CDC25C: variants seen among roughly 807,000 people sequenced by gnomAD.
CDC25C encodes the protein cell division cycle 25C, also known as M-phase inducer phosphatase 3.
CDC25C carries 48 observed loss-of-function variants against 52.5 expected under a neutral mutation model. The observed-to-expected ratio is 0.91, with a 90% CI of 0.72 to 1.16. The LOEUF (loss-of-function observed/expected upper bound fraction) is 1.16. Among genes scored for constraint, CDC25C ranks in the 50% most tolerant of loss-of-function variants. CDC25C has a pLI of 0.00. For missense variants in CDC25C, 510 were observed against 566.1 expected (o/e 0.90, Z 1.01); for synonymous variants, 187 against 206.5 (o/e 0.91, Z 0.81).
chr5:138,319,216 T>C lies in CDC25C; in HGVS notation c.615+3A>G, dbSNP rs1240363322. 4 of 1,610,430 alleles carry C rather than the reference T, an allele frequency of 2.5e-6. No individual in the cohort carries two copies. The highest frequency in any genetic ancestry group is 2.5e-6 in the Non-Finnish European group (3 of 1,177,448). On this transcript the variant is annotated splice_donor_region_variant and intron_variant, in intron 7 of 13. Transcript: ENST00000323760. Reference sequence around the variant, plus strand: ...ACAAAGATACTACCACAGAACACTTTACCTTTGCTTCTTGATCTTTCAGGG... The same window carrying C: ...ACAAAGATACTACCACAGAACACTTCACCTTTGCTTCTTGATCTTTCAGGG...
chr5:138,328,423 A>C, intron 4 of CDC25C, 61 bp downstream of exon 4: 1 of 1,486,474 alleles, frequency 6.7e-7, no homozygotes, highest in Non-Finnish European at 9.4e-7. Context: ...GCACAGGATA[A>C]AATCTCTATG....
At chr5:138,287,392 C>A in intron 10 of CDC25C, 125 bp from the exon 11 acceptor site, 1 of 604,638 alleles carries the variant, frequency 1.7e-6, no homozygotes, top group Non-Finnish European at 3.0e-6. Flanking sequence ...CCAAAGTCAC[C>A]CCATATTTGA....
chr5:138,321,762 A>AC (rs1759419209), intron 6 of CDC25C, among the ~76,000 whole-genome samples: 1 of 139,930 alleles, frequency 7.1e-6, no homozygotes, highest in Non-Finnish European at 1.6e-5. Context: ...AAAAAAAAAA[A>AC]AAAAAAAAAA....
chr5:138,319,343 T>G lies in CDC25C; in HGVS notation c.491A>C (p.Lys164Thr). The G allele has an allele frequency of 6.2e-7, 1 of 1,613,416 alleles. No individual in the cohort carries two copies. The highest frequency in any genetic ancestry group is 8.5e-7 in the Non-Finnish European group (1 of 1,179,602). Residue 164 changes from lysine to threonine, a missense_variant, in exon 7 of 14, where the codon AAA (lysine) becomes ACA (threonine). Physicochemically the swap from Lys to Thr is moderately conservative, Grantham distance 78 (BLOSUM62 -1). Transcript: ENST00000323760. ...DNGNLVDSEM[K>T]YLGSPITTVP... ...AGTAGTAATGGGACTGCCCAAATAT[T>G]TCATTTCACTGTCCACCAAGTTTCC...
chr5:138,337,816 C>T (rs1399869858), intron 1 of CDC25C: 9 of 473,172 alleles, frequency 1.9e-5, no homozygotes, highest in South Asian at 1.5e-4. Context: ...GGGATTCCTT[C>T]GAAGAGGTGG....
At chr5:138,313,802 T>C (rs1215848285) in intron 7 of CDC25C, among the ~76,000 whole-genome samples, 1 of 152,130 alleles carries the variant, frequency 6.6e-6, no homozygotes, top group African/African-American at 2.4e-5. Flanking sequence ...TATTTCCATC[T>C]AAATTTCCTC....
chr5:138,307,412 A>AG (rs1758087979), intron 7 of CDC25C, among the ~76,000 whole-genome samples: 1 of 142,012 alleles, frequency 7.0e-6, no homozygotes, highest in African/African-American at 2.6e-5. Flanking sequence ...GAATCGCCTG[A>AG]GCCCAGGAGG....
intron 7 of CDC25C, among the ~76,000 whole-genome samples, chr5:138,304,754 T>C (rs1757880127): frequency 6.6e-6 from 1 of 152,154 alleles, no homozygotes; most frequent in Non-Finnish European, 1.5e-5. Context: ...GCAACTCTCC[T>C]GCCTCAGCCT....
At chr5:138,309,359 C>T (rs1758268006) in intron 7 of CDC25C, among the ~76,000 whole-genome samples, 1 of 152,110 alleles carries the variant, frequency 6.6e-6, no homozygotes, top group South Asian at 2.1e-4. Flanking sequence ...AGTTCAAGAC[C>T]AGCCTGGCCA....
chr5:138,301,261 G>A (rs1175186324), intron 7 of CDC25C, among the ~76,000 whole-genome samples: 1 of 152,128 alleles, frequency 6.6e-6, no homozygotes, highest in Admixed American at 6.6e-5. Context: ...TCAGGAATGA[G>A]AGACATCACT....
chr5:138,324,640 C>T (rs1444569341), intron 6 of CDC25C, among the ~76,000 whole-genome samples: 1 of 151,862 alleles, frequency 6.6e-6, no homozygotes, highest in African/African-American at 2.4e-5. Context: ...CACCTGTAAT[C>T]CCAGCTACGT....
exon 1 of CDC25C, chr5:138,338,302 A>G (rs903821240): frequency 1.3e-5 from 8 of 617,572 alleles, no homozygotes; most frequent in East Asian, 1.4e-4. Context: ...AGCTGGAGGA[A>G]CCGCGGTAGG....
intron 6 of CDC25C, among the ~76,000 whole-genome samples, chr5:138,324,619 G>T (rs1332572735): frequency 6.6e-6 from 1 of 151,960 alleles, no homozygotes; most frequent in Non-Finnish European, 1.5e-5. Flanking sequence ...TTAGCTGGGT[G>T]TGGTGGCACG....
At chr5:138,292,159 T>A (rs764662095) in intron 7 of CDC25C, 43 bp from the exon 8 acceptor site, 4 of 1,568,386 alleles carry the variant, frequency 2.6e-6, no homozygotes. Flanking sequence ...CTCCTCCAAG[T>A]GTGTCTGCAG....
At chr5:138,294,835 G>A (rs1378378660) in intron 7 of CDC25C, among the ~76,000 whole-genome samples, 2 of 151,570 alleles carry the variant, frequency 1.3e-5, no homozygotes, top group Non-Finnish European at 2.9e-5. Flanking sequence ...TTTTAGTAGA[G>A]ATGGGGTTTC....
At chr5:138,295,337 A>G (rs1757093682) in intron 7 of CDC25C, among the ~76,000 whole-genome samples, 1 of 152,328 alleles carries the variant, frequency 6.6e-6, no homozygotes, top group African/African-American at 2.4e-5. Context: ...GCGGCCAGGC[A>G]TGGTAGCTCA....
At chr5:138,308,953 G>T (rs920443375) in intron 7 of CDC25C, among the ~76,000 whole-genome samples, 2 of 152,088 alleles carry the variant, frequency 1.3e-5, no homozygotes, top group African/African-American at 4.8e-5. Context: ...TTTCAGGGTG[G>T]ATATGAGAAT....
Position 138,286,601 on chromosome 5 carries a change from T to C in CDC25C, c.1056A>G (p.Glu352=), listed in dbSNP as rs770805761. 1.5e-5 allele frequency: 24 copies of C among 1,613,570 alleles called. No homozygotes were observed. Among genetic ancestry groups the C allele is most frequent in the Non-Finnish European group, 1.9e-5 (23 of 1,179,724 alleles). The change falls in exon 12 of 14, where the codon GAA becomes GAG. Residue 352 remains glutamate, a synonymous_variant. Coordinates refer to ENST00000323760, the MANE Select transcript of CDC25C (RefSeq NM_001790.5). ...QGALNLYSQE[E]LFNFFLKKPI... is the part of the protein sequence containing the mutation. ...GCTTCTTCAGAAAGAAGTTAAACAG[T>C]TCTTCCTGACTATATAAGTTTAAGG...
intron 2 of CDC25C, among the ~76,000 whole-genome samples, chr5:138,330,584 T>C (rs1247862206): frequency 6.6e-6 from 1 of 152,190 alleles, no homozygotes; most frequent in Admixed American, 6.5e-5. Context: ...CTTGGCTAAC[T>C]GCAGCCTCCA....
Sources: gnomAD v4.1 joint callset for allele counts (sites outside exome capture counted in the v4.1 genomes callset) on GRCh38, gnomAD v4.1.1 for gene constraint, MANE v1.5 for transcripts, NCBI Gene and HGNC (gene_info 2026-07-23, HGNC 2026-07-21) for gene names.